Variants in SLC9A9 observed in about 807,000 individuals in gnomAD.
The protein encoded by SLC9A9 is solute carrier family 9 member A9.
In SLC9A9, 62 loss-of-function variants were observed where a neutral mutation model predicts 77.8. The observed-to-expected ratio is 0.80, with a 90% CI of 0.65 to 0.98. The LOEUF is 0.98. SLC9A9 is among the 50% of genes least tolerant of loss of function. The probability of loss-of-function intolerance (pLI) is 0.00; values close to 1 mark genes in which losing one functional copy is unlikely to be tolerated. For synonymous variants in SLC9A9, 320 were observed against 283.5 expected (o/e 1.13, Z -1.29); for missense variants, 775 against 774.9 (o/e 1.00, Z 0.00).
At chr3:143,504,036 C>T in intron 9 of SLC9A9, 1 of 487,716 alleles carries the variant, frequency 2.1e-6, no homozygotes. Flanking sequence ...TAGGATCTCA[C>T]TCCTGGAAGA....
intron 13 of SLC9A9, among the ~76,000 whole-genome samples, chr3:143,367,838 A>G (rs2032952670): frequency 1.3e-5 from 2 of 152,122 alleles, no homozygotes; most frequent in South Asian, 4.1e-4. Flanking sequence ...TTCTCTTTCG[A>G]GGATCTTTAT....
At chr3:143,299,479 T>A (rs2030425108) in intron 14 of SLC9A9, among the ~76,000 whole-genome samples, 1 of 151,906 alleles carries the variant, frequency 6.6e-6, no homozygotes, top group South Asian at 2.1e-4. Context: ...AGTCTTGCTC[T>A]GTCGCCCAGG....
In SLC9A9 at chr3:143,554,958, T is replaced by G. The variant is rs536655144; in HGVS notation, c.1001-2508A>C. Among the ~76,000 whole-genome samples the G allele has an allele frequency of 2.0e-5, 3 of 152,364 alleles. No homozygotes were observed. In the South Asian group the frequency reaches 6.2e-4, roughly 32 times the overall value. On this transcript the variant is annotated intron_variant, in intron 8 of 15. Coordinates refer to ENST00000316549, the MANE Select transcript of SLC9A9 (RefSeq NM_173653.4). ...TTCTCTACTTGCTTTATTTTTTTCCTGTACTATATCTTGCTACTTGATATT... is the reference window on the plus strand; with the variant it reads ...TTCTCTACTTGCTTTATTTTTTTCCGGTACTATATCTTGCTACTTGATATT...
intron 9 of SLC9A9, among the ~76,000 whole-genome samples, chr3:143,532,353 C>A (rs1163598305): frequency 6.6e-6 from 1 of 152,156 alleles, no homozygotes; most frequent in East Asian, 1.9e-4. Context: ...GGATATAATT[C>A]ATACAAACAA....
rs1937817088 is a variant in SLC9A9 at position 143,268,929 on chromosome 3, T to A, written c.1656A>T (p.Leu552Phe). 1 of 1,613,504 alleles carries A rather than the reference T, an allele frequency of 6.2e-7. No individual in the cohort carries two copies. Among genetic ancestry groups the A allele is most frequent in the East Asian group, 2.2e-5 (1 of 44,856 alleles). The change falls in exon 15 of 16, where the codon TTA becomes TTT. Residue 552 changes from leucine (L) to phenylalanine (F), a missense_variant. Coordinates refer to ENST00000316549, the MANE Select transcript of SLC9A9 (RefSeq NM_173653.4). ...TGGAAATCGGACCACACCATTCAGG[T>A]AATGTTGTAGTCAGCGGAGGACCAG... Reference protein sequence around the residue: ...THSGPPLTTTLPEWCGPISRL... With the variant: ...THSGPPLTTTFPEWCGPISRL...
chr3:143,646,436 A>G (rs2038709061), intron 6 of SLC9A9, among the ~76,000 whole-genome samples: 1 of 148,904 alleles, frequency 6.7e-6, no homozygotes, highest in South Asian at 2.1e-4. Context: ...ATTATATATT[A>G]AATTTTCTTA....
intron 5 of SLC9A9, among the ~76,000 whole-genome samples, chr3:143,665,701 T>A (rs934065064): frequency 2.0e-5 from 3 of 152,078 alleles, no homozygotes; most frequent in African/African-American, 7.2e-5. Context: ...ATACTATAAA[T>A]ACTTCTGTGC....
chr3:143,572,065 C>T (rs2037267327), intron 8 of SLC9A9, among the ~76,000 whole-genome samples: 1 of 152,242 alleles, frequency 6.6e-6, no homozygotes, highest in South Asian at 2.1e-4. Context: ...TACTGGGGTT[C>T]ACACCCATAT....
chr3:143,475,397 C>T (rs2035457504), intron 11 of SLC9A9, among the ~76,000 whole-genome samples: 1 of 152,160 alleles, frequency 6.6e-6, no homozygotes, highest in Non-Finnish European at 1.5e-5. Context: ...TCTGCTGTGG[C>T]ATTTCCAGAG....
chr3:143,573,949 G>T, intron 8 of SLC9A9, 139 bp downstream of exon 8: 2 of 727,384 alleles, frequency 2.7e-6, no homozygotes, highest in African/African-American at 1.7e-5. Context: ...CCCAAGAGAG[G>T]CTGATTCTGA....
chr3:143,784,949 G>A (rs760970690), intron 4 of SLC9A9, among the ~76,000 whole-genome samples: 35 of 152,122 alleles, frequency 2.3e-4, no homozygotes, highest in Non-Finnish European at 3.4e-4. Context: ...ACTAGAAATT[G>A]TTCATCTGCA....
At chr3:143,333,740 T>G (rs1462972130) in intron 14 of SLC9A9, among the ~76,000 whole-genome samples, 4 of 152,264 alleles carry the variant, frequency 2.6e-5, no homozygotes, top group African/African-American at 9.6e-5. Flanking sequence ...TTCCTAGAAA[T>G]GAAACAAAGT....
At chr3:143,820,309 TG>T (rs1195857307) in intron 2 of SLC9A9, among the ~76,000 whole-genome samples, 1 of 152,228 alleles carries the variant, frequency 6.6e-6, no homozygotes, top group Non-Finnish European at 1.5e-5. Flanking sequence ...TCTCATTGAA[TG>T]CAAATACATC....
chr3:143,406,451 C>G (rs1185717054), intron 12 of SLC9A9, among the ~76,000 whole-genome samples: 1 of 151,636 alleles, frequency 6.6e-6, no homozygotes, highest in Non-Finnish European at 1.5e-5. Flanking sequence ...GATCTCGACT[C>G]ACTGCAACCT....
intron 2 of SLC9A9, among the ~76,000 whole-genome samples, chr3:143,808,901 A>T (rs1458367164): frequency 6.6e-6 from 1 of 152,194 alleles, no homozygotes; most frequent in East Asian, 1.9e-4. Context: ...AAAATATTTG[A>T]ACGAATATTT....
intron 14 of SLC9A9, among the ~76,000 whole-genome samples, chr3:143,342,055 TGCC>T (rs770079321): frequency 6.9e-4 from 105 of 152,314 alleles, no homozygotes; most frequent in Non-Finnish European, 1.0e-3. Flanking sequence ...CCAGCTCTGC[TGCC>T]GCCTCAGTAG....
At chr3:143,706,936 G>A (rs936931178) in intron 4 of SLC9A9, among the ~76,000 whole-genome samples, 39 of 152,174 alleles carry the variant, frequency 2.6e-4, no homozygotes, top group African/African-American at 9.4e-4. Flanking sequence ...CATAGAAGGG[G>A]AAAGCTGCCT....
chr3:143,777,768 G>T (rs370683246), intron 4 of SLC9A9, among the ~76,000 whole-genome samples: 12 of 147,910 alleles, frequency 8.1e-5, no homozygotes, highest in African/African-American at 3.0e-4. Flanking sequence ...AGGCTGGAGT[G>T]CAGTGGTGTG....
chr3:143,537,239 T>C (rs1452332969), intron 9 of SLC9A9, among the ~76,000 whole-genome samples: 1 of 152,180 alleles, frequency 6.6e-6, no homozygotes, highest in African/African-American at 2.4e-5. Flanking sequence ...CCAGACTAAA[T>C]AAATTAGAAA....
Sources: allele counts gnomAD v4.1 joint callset (sites outside exome capture counted in the v4.1 genomes callset), GRCh38; gene constraint gnomAD v4.1.1; transcripts MANE v1.5; gene names NCBI Gene and HGNC (gene_info 2026-07-23, HGNC 2026-07-21).